The following PCDH11Y variants were observed in gnomAD, a reference collection of about 807,000 sequenced individuals.
The protein encoded by PCDH11Y is protocadherin-11 Y-linked.
For missense variants in PCDH11Y, 12 were observed against 224.8 expected (o/e 0.05, Z 6.05); for synonymous variants, 9 against 83.6 (o/e 0.11, Z 4.87).
intron 3 of PCDH11Y, among the ~76,000 whole-genome samples, chrY:5,039,710 C>T (rs2052604045): frequency 6.0e-5 from 2 of 33,320 alleles, no homozygotes; most frequent in African/African-American, 1.2e-4. Flanking sequence ...TTTCTTTTTT[C>T]GTAATCTCTT....
At chrY:5,728,937 C>T in intron 4 of PCDH11Y, among the ~76,000 whole-genome samples, 1 of 33,020 alleles carries the variant, frequency 3.0e-5, no homozygotes, top group Non-Finnish European at 7.5e-5. Context: ...ACCCATGTTG[C>T]TGCAAATAAC....
At chrY:5,691,883 T>C in intron 4 of PCDH11Y, among the ~76,000 whole-genome samples, 1 of 29,361 alleles carries the variant, frequency 3.4e-5, no homozygotes, top group African/African-American at 1.3e-4. Context: ...CTGGCCAACA[T>C]AGGGAAACCC....
intron 2 of PCDH11Y, among the ~76,000 whole-genome samples, chrY:5,480,257 C>A: frequency 3.3e-5 from 1 of 30,599 alleles, no homozygotes; most frequent in Admixed American, 3.1e-4. Flanking sequence ...TTGTTGCTTT[C>A]CGTTTGTTAG....
chrY:5,140,191 G>A (rs2052846818), intron 2 of PCDH11Y, among the ~76,000 whole-genome samples: 2 of 23,192 alleles, frequency 8.6e-5, no homozygotes, highest in Non-Finnish European at 9.4e-5. Context: ...TGGAAGTTGC[G>A]TAATAAATTA....
exon 2 of PCDH11Y, chrY:5,098,871 C>T: frequency 2.5e-6 from 1 of 394,984 alleles, no homozygotes; most frequent in African/African-American, 6.7e-5. Flanking sequence ...TGACATGCTT[C>T]ACAGATCATG....
At chrY:5,056,931 G>T in exon 1 of PCDH11Y, 1 of 398,322 alleles carries the variant, frequency 2.5e-6, no homozygotes, top group Admixed American at 7.5e-5. Context: ...AGTGTTTGTT[G>T]TCCGGGACGT....
intron 2 of PCDH11Y, among the ~76,000 whole-genome samples, chrY:5,394,449 T>C: frequency 2.8e-5 from 1 of 35,848 alleles, no homozygotes; most frequent in Admixed American, 2.5e-4. Context: ...CCATTTTTTT[T>C]CAGAGCTTAC....
intron 2 of PCDH11Y, among the ~76,000 whole-genome samples, chrY:5,454,825 C>T (rs2053296235): frequency 9.0e-5 from 3 of 33,492 alleles, no homozygotes; most frequent in Non-Finnish European, 1.5e-4. Context: ...ACCATTCTTT[C>T]CCCATAGGCC....
intron 3 of PCDH11Y, among the ~76,000 whole-genome samples, chrY:5,506,014 G>T (rs2573868): frequency 6.2e-5 from 2 of 32,160 alleles, no homozygotes; most frequent in African/African-American, 2.4e-4. Context: ...ACTGTGAAAC[G>T]TTAAAAGAAT....
chrY:5,099,152 C>G (rs2052763134), exon 2 of PCDH11Y: 2 of 396,578 alleles, frequency 5.0e-6, no homozygotes, highest in African/African-American at 1.3e-4. Context: ...GCAACGGATG[C>G]AGACAGTGGG....
Position 5,112,588 on chromosome Y carries a change from T to A in PCDH11Y, c.3129+11881T>A, listed in dbSNP as rs1602869502. Among the ~76,000 whole-genome samples the A allele has an allele frequency of 8.9e-5, 3 of 33,597 alleles. No individual in the cohort carries two copies. The East Asian group carries it at 2.3e-3, about 26-fold the overall frequency. The allele number at this position is 33,597 out of a possible 37,273, so 90.1% of individuals were successfully genotyped here. A position where few individuals can be genotyped will look rare whatever the true frequency, so the allele number is the denominator to read the frequency against. ...AACTTTATGGGTTTAATTTATGTCT[T>A]CATCAAATGGCTATGGTATGGATTT... On this transcript the variant is annotated intron_variant, in intron 2 of 4. Coordinates refer to the PCDH11Y transcript ENST00000400457.
chrY:5,241,970 T>C (rs2052988681), intron 2 of PCDH11Y, among the ~76,000 whole-genome samples: 1 of 29,761 alleles, frequency 3.4e-5, no homozygotes, highest in Admixed American at 3.2e-4. Flanking sequence ...TAATAGTAGG[T>C]GGGGCACGGT....
At chrY:5,401,722 G>C in intron 2 of PCDH11Y, among the ~76,000 whole-genome samples, 1 of 32,212 alleles carries the variant, frequency 3.1e-5, no homozygotes, top group Non-Finnish European at 7.5e-5. Context: ...TCCTGTGTTA[G>C]CTTCTTTTTC....
chrY:5,347,931 A>G (rs1602908929), intron 2 of PCDH11Y, among the ~76,000 whole-genome samples: 11 of 32,694 alleles, frequency 3.4e-4, no homozygotes, highest in African/African-American at 9.6e-4. Flanking sequence ...GCCACCATCT[A>G]CTTTTTTTCT....
intron 2 of PCDH11Y, among the ~76,000 whole-genome samples, chrY:5,310,791 A>C: frequency 9.2e-5 from 3 of 32,700 alleles, no homozygotes. Flanking sequence ...TAACTGATTA[A>C]AAATATTGTT....
chrY:5,265,936 C>T, intron 2 of PCDH11Y, among the ~76,000 whole-genome samples: 1 of 33,023 alleles, frequency 3.0e-5, no homozygotes, highest in South Asian at 6.7e-4. Context: ...TATTGTTCTA[C>T]GGTAAGAGAG....
At position 5,603,459 on chromosome Y, in the gene PCDH11Y, C is replaced by T. The variant is rs1188835039; in HGVS notation, c.3352+21661C>T. 4.2e-4 allele frequency among the ~76,000 whole-genome samples: 14 copies of T among 32,999 alleles called. No individual in the cohort carries two copies. In the East Asian group the frequency reaches 0.011, roughly 27 times the overall value. The allele number at this position is 32,999 out of a possible 37,273, so 88.5% of individuals were successfully genotyped here. Reference sequence around the variant, plus strand: ...AGGTTTTTCCCTCCACATATCTTTACGTCACATATTCTGCGCTATTTTTCT... The same window carrying T: ...AGGTTTTTCCCTCCACATATCTTTATGTCACATATTCTGCGCTATTTTTCT... On this transcript the variant is annotated intron_variant, in intron 4 of 4. Transcript: ENST00000400457.
At chrY:5,147,556 CATA>C (rs2052858643) in intron 2 of PCDH11Y, among the ~76,000 whole-genome samples, 1 of 31,774 alleles carries the variant, frequency 3.1e-5, no homozygotes, top group Non-Finnish European at 7.6e-5. Context: ...CAAAAAAACT[CATA>C]ATAACAACAA....
intron 2 of PCDH11Y, among the ~76,000 whole-genome samples, chrY:5,233,228 G>A: frequency 3.1e-5 from 1 of 31,960 alleles, no homozygotes; most frequent in African/African-American, 1.2e-4. Context: ...GGCAACTATA[G>A]GTAGAGCTTT....
Sources: allele counts gnomAD v4.1 joint callset (sites outside exome capture counted in the v4.1 genomes callset), GRCh38; gene constraint gnomAD v4.1.1; transcripts MANE v1.5; gene names NCBI Gene and HGNC (gene_info 2026-07-23, HGNC 2026-07-21).